The following REV1 variants were observed in gnomAD, a reference collection of about 807,000 sequenced individuals.
REV1 encodes the protein REV1 DNA directed polymerase.
In REV1, 42 loss-of-function variants were observed where a neutral mutation model predicts 137.4. That is an observed-to-expected ratio of 0.31 (90% CI 0.24 to 0.40). The LOEUF (loss-of-function observed/expected upper bound fraction) is 0.40. Ranked by LOEUF, REV1 falls within the 10% of genes least tolerant of loss-of-function variation. REV1 has a pLI of 1.00. For synonymous variants in REV1, 524 were observed against 519.2 expected (o/e 1.01, Z -0.12); for missense variants, 1,282 against 1,490.1 (o/e 0.86, Z 2.30).
At chr2:99,458,869 G>A (rs1176961929) in intron 3 of REV1, among the ~76,000 whole-genome samples, 1 of 152,160 alleles carries the variant, frequency 6.6e-6, no homozygotes, top group African/African-American at 2.4e-5. Flanking sequence ...AGGAAAGGCG[G>A]AGAACAGAAG....
chr2:99,433,910 A>G (rs1680418741), intron 8 of REV1, among the ~76,000 whole-genome samples: 1 of 152,206 alleles, frequency 6.6e-6, no homozygotes, highest in South Asian at 2.1e-4. Flanking sequence ...AAGCATATGG[A>G]GAATGATTAC....
At chr2:99,482,723 A>G (rs1686748175) in intron 1 of REV1, among the ~76,000 whole-genome samples, 1 of 152,226 alleles carries the variant, frequency 6.6e-6, no homozygotes, top group Non-Finnish European at 1.5e-5. Context: ...TTGGAATGAC[A>G]CAGAGAAGAT....
chr2:99,473,326 C>T (rs1182024436), intron 1 of REV1, among the ~76,000 whole-genome samples: 1 of 150,666 alleles, frequency 6.6e-6, no homozygotes, highest in East Asian at 1.9e-4. Flanking sequence ...CAAGATCGTG[C>T]CACTGCACTC....
intron 12 of REV1, among the ~76,000 whole-genome samples, chr2:99,415,088 C>T (rs573058333): frequency 4.6e-5 from 7 of 152,066 alleles, no homozygotes; most frequent in African/African-American, 1.2e-4. Context: ...GGAGGCAGGG[C>T]ATGTGGTGTA....
At chr2:99,456,593 T>G (rs1683563670) in intron 3 of REV1, among the ~76,000 whole-genome samples, 2 of 152,132 alleles carry the variant, frequency 1.3e-5, no homozygotes, top group Admixed American at 1.3e-4. Flanking sequence ...TGGCAAGGGA[T>G]TACTATACAT....
chr2:99,454,593 C>CAAAAAA (rs1683330666), intron 3 of REV1, among the ~76,000 whole-genome samples: 1 of 88,140 alleles, frequency 1.1e-5, no homozygotes, highest in Non-Finnish European at 2.4e-5. Flanking sequence ...AAAAAAAAAC[C>CAAAAAA]CAAAAATTAC....
intron 10 of REV1, 40 bp from the exon 11 acceptor site, chr2:99,421,693 C>T (rs1396913945): frequency 6.3e-7 from 1 of 1,588,070 alleles, no homozygotes; most frequent in Non-Finnish European, 8.6e-7. Flanking sequence ...ACAGCCACAG[C>T]CACCATCTGG....
At chr2:99,403,235 A>C in intron 19 of REV1, 129 bp from the exon 20 acceptor site, 2 of 709,850 alleles carry the variant, frequency 2.8e-6, no homozygotes, top group South Asian at 3.9e-5. Flanking sequence ...TCCTGCCCCA[A>C]GTGAGAGGCA....
At chr2:99,407,107 T>TTTTTTTTTTTTTTA (rs1676430223) in intron 15 of REV1, among the ~76,000 whole-genome samples, 1 of 144,710 alleles carries the variant, frequency 6.9e-6, no homozygotes, top group Admixed American at 7.0e-5. Flanking sequence ...TTTTTTTTTT[T>TTTTTTTTTTTTTTA]GAGACAGAGC....
intron 3 of REV1, among the ~76,000 whole-genome samples, chr2:99,461,527 G>C (rs757279027): frequency 1.3e-5 from 2 of 152,220 alleles, no homozygotes; most frequent in Non-Finnish European, 2.9e-5. Context: ...CTGAAAGATA[G>C]CAGGTATCAG....
At chr2:99,409,095 C>G (rs1227345933) in intron 14 of REV1, among the ~76,000 whole-genome samples, 1 of 152,082 alleles carries the variant, frequency 6.6e-6, no homozygotes, top group Non-Finnish European at 1.5e-5. Context: ...GGCAACAGAG[C>G]GAGATCCTGT....
At position 99,421,596 on chromosome 2, in the gene REV1, T is replaced by A; in HGVS notation, c.1734A>T (p.Glu578Asp). ...SCDEALVDITEILAETKLTPD... is the reference protein window; with the variant it reads ...SCDEALVDITDILAETKLTPD... ...GAGTAAGTTTGGTCTCTGCAAGGAT[T>A]TCGGTAATGTCTACCAGCGCTTCAT... Residue 578 changes from glutamate (E) to aspartate (D), a missense_variant, in exon 11 of 23, where the codon GAA (glutamate) becomes GAT (aspartate). This residue lies in a region of REV1 where 372 missense variants were observed against 482.3 expected (regional missense o/e 0.77). Coordinates refer to ENST00000258428, the MANE Select transcript of REV1 (RefSeq NM_016316.4). The A allele has an allele frequency of 6.2e-7, 1 of 1,614,156 alleles. No individual in the cohort carries two copies. The highest frequency in any genetic ancestry group is 8.5e-7 in the Non-Finnish European group (1 of 1,179,998).
intron 1 of REV1, among the ~76,000 whole-genome samples, chr2:99,474,448 T>C (rs1685747429): frequency 6.6e-6 from 1 of 152,266 alleles, no homozygotes; most frequent in Non-Finnish European, 1.5e-5. Flanking sequence ...AGAATACTCC[T>C]ATTGATCTGA....
intron 1 of REV1, among the ~76,000 whole-genome samples, chr2:99,485,004 T>A (rs1686993246): frequency 1.3e-5 from 2 of 152,152 alleles, no homozygotes; most frequent in South Asian, 4.1e-4. Flanking sequence ...CAGTAAATAA[T>A]AACTCACAAT....
Position 99,462,593 on chromosome 2 carries a change from T to A in REV1, c.84A>T (p.Lys28Asn), listed in dbSNP as rs748192555. ...WGGYMAAKVQKLEEQFRSDAA... is the reference protein window; with the variant it reads ...WGGYMAAKVQNLEEQFRSDAA... ...CATCTGATCGAAACTGTTCCTCCAA[T>A]TTCTGGACCTTGGCAGCCATATACC... is the stretch of plus-strand genomic sequence containing the variant. Residue 28 changes from lysine to asparagine, a missense_variant, in exon 3 of 23, where the codon AAA becomes AAT. Lys to Asn is a moderately conservative substitution (Grantham distance 94). Coordinates refer to ENST00000258428, the MANE Select transcript of REV1 (RefSeq NM_016316.4). The A allele has an allele frequency of 6.2e-7, 1 of 1,613,146 alleles. No individual in the cohort carries two copies.
intron 3 of REV1, among the ~76,000 whole-genome samples, chr2:99,452,786 G>A (rs1038084816): frequency 6.6e-6 from 1 of 152,308 alleles, no homozygotes; most frequent in South Asian, 2.1e-4. Context: ...TGGAGTACAA[G>A]TGGTATAAAT....
intron 1 of REV1, among the ~76,000 whole-genome samples, chr2:99,483,434 A>G (rs1686828181): frequency 1.3e-5 from 2 of 152,222 alleles, no homozygotes; most frequent in Admixed American, 1.3e-4. Flanking sequence ...TTTGCTTAAT[A>G]GGCTATGAGT....
intron 1 of REV1, among the ~76,000 whole-genome samples, chr2:99,470,984 T>C (rs572326762): frequency 6.6e-6 from 1 of 152,192 alleles, no homozygotes; most frequent in South Asian, 2.1e-4. Context: ...GTAATAGTTA[T>C]CTAAGAAATA....
At chr2:99,450,401 C>A (rs563880792) in intron 3 of REV1, among the ~76,000 whole-genome samples, 16 of 152,284 alleles carry the variant, frequency 1.1e-4, no homozygotes, top group African/African-American at 3.9e-4. Context: ...CTAACTCACA[C>A]CTCCCCTAAC....
Sources: gnomAD v4.1 joint callset for allele counts (sites outside exome capture counted in the v4.1 genomes callset) on GRCh38, gnomAD v4.1.1 for gene constraint, gnomAD v4.1.1 regional missense constraint, MANE v1.5 for transcripts, NCBI Gene and HGNC (gene_info 2026-07-23, HGNC 2026-07-21) for gene names.